The following MRPL1 variants were observed in gnomAD, a reference collection of about 807,000 sequenced individuals.
MRPL1 encodes large ribosomal subunit protein uL1m.
A neutral mutation model predicts 38.0 loss-of-function variants in MRPL1; 28 were observed. That is an observed-to-expected ratio of 0.74 (90% CI 0.55 to 1.01). The LOEUF is 1.01. Ranked by LOEUF, MRPL1 falls within the 50% of genes least tolerant of loss-of-function variation. The probability of loss-of-function intolerance (pLI) is 0.00; values close to 1 mark genes in which losing one functional copy is unlikely to be tolerated. For missense variants in MRPL1, 358 were observed against 389.8 expected, an observed-to-expected ratio of 0.92 and a Z score of 0.69; for synonymous variants, 123 against 126.7, an observed-to-expected ratio of 0.97 and a Z score of 0.20.
chr4:77,923,811 C>T (rs1247102173), intron 7 of MRPL1, among the ~76,000 whole-genome samples: 2 of 152,028 alleles, frequency 1.3e-5, no homozygotes, highest in Non-Finnish European at 2.9e-5. Flanking sequence ...GTGGTATGCA[C>T]TTGTAGTCCC....
At chr4:77,867,328 T>C (rs967119288) in intron 1 of MRPL1, among the ~76,000 whole-genome samples, 3 of 152,210 alleles carry the variant, frequency 2.0e-5, no homozygotes, top group African/African-American at 7.2e-5. Context: ...ATGGCCCCTT[T>C]CATGTGCTGT....
intron 7 of MRPL1, among the ~76,000 whole-genome samples, chr4:77,945,490 T>A (rs568721507): frequency 5.3e-4 from 80 of 149,828 alleles, no homozygotes; most frequent in African/African-American, 1.9e-3. Flanking sequence ...TTAAAAATCA[T>A]GTATGTGTAC....
At chr4:77,907,499 CGT>C (rs1491091660) in intron 6 of MRPL1, among the ~76,000 whole-genome samples, 24 of 88,572 alleles carry the variant, frequency 2.7e-4, no homozygotes, top group African/African-American at 6.7e-4. Context: ...TCCCTCCCTC[CGT>C]CTCTCTCTCT....
intron 2 of MRPL1, 74 bp from the exon 3 acceptor site, chr4:77,883,168 G>A: frequency 2.0e-6 from 2 of 979,526 alleles, no homozygotes; most frequent in Non-Finnish European, 2.9e-6. Context: ...TTTCTCTTAT[G>A]TACACTGGCT....
chr4:77,951,158 C>T (rs937332019), intron 8 of MRPL1, among the ~76,000 whole-genome samples: 4 of 152,210 alleles, frequency 2.6e-5, no homozygotes, highest in African/African-American at 9.6e-5. Flanking sequence ...GTGTGAGCCA[C>T]GGTGTCCGGC....
At chr4:77,878,657 A>G (rs1007467744) in intron 2 of MRPL1, among the ~76,000 whole-genome samples, 2 of 152,110 alleles carry the variant, frequency 1.3e-5, no homozygotes, top group Non-Finnish European at 2.9e-5. Flanking sequence ...AGGCGGGCAG[A>G]TCACAAGGTC....
chr4:77,866,298 C>T (rs974307988), intron 1 of MRPL1, among the ~76,000 whole-genome samples: 5 of 152,186 alleles, frequency 3.3e-5, no homozygotes, highest in Admixed American at 6.5e-5. Flanking sequence ...GTGATCCACC[C>T]GCCTCAGCAT....
At chr4:77,872,337 C>T (rs1466601833) in intron 2 of MRPL1, among the ~76,000 whole-genome samples, 2 of 151,784 alleles carry the variant, frequency 1.3e-5, no homozygotes, top group Admixed American at 6.6e-5. Flanking sequence ...TATATTTTTT[C>T]CTTTTAGGCA....
chr4:77,905,496 C>CAAAAAAAAAAAAAAA (rs374398968), intron 6 of MRPL1, among the ~76,000 whole-genome samples: 1 of 63,394 alleles, frequency 1.6e-5, no homozygotes, highest in Non-Finnish European at 2.8e-5. Flanking sequence ...GACTCCGTCT[C>CAAAAAAAAAAAAAAA]AAAAAAAAAA....
At chr4:77,890,960 C>T (rs1034310755) in intron 5 of MRPL1, among the ~76,000 whole-genome samples, 3 of 152,056 alleles carry the variant, frequency 2.0e-5, no homozygotes, top group African/African-American at 7.2e-5. Context: ...AGGTAAACAG[C>T]AGTGCTCATA....
At chr4:77,917,248 G>A (rs887774745) in intron 7 of MRPL1, among the ~76,000 whole-genome samples, 17 of 151,764 alleles carry the variant, frequency 1.1e-4, no homozygotes, top group Non-Finnish European at 1.9e-4. Flanking sequence ...ACCATAGACC[G>A]TTTCTGACTC....
chr4:77,948,427 T>A (rs902089832), intron 7 of MRPL1, among the ~76,000 whole-genome samples: 9 of 152,170 alleles, frequency 5.9e-5, no homozygotes, highest in Non-Finnish European at 1.3e-4. Context: ...GTCTGTACGG[T>A]GTATGGACTT....
rs1458995053 is a variant in MRPL1, at chr4:77,937,698, G to T, written c.778-12099G>T. Among the ~76,000 whole-genome samples, 3 of 152,070 alleles carry T rather than the reference G, an allele frequency of 2.0e-5. No individual in the cohort carries two copies. In the East Asian group the frequency reaches 5.8e-4, roughly 29 times the overall value. On this transcript the variant is annotated intron_variant, in intron 7 of 8. Coordinates refer to ENST00000315567, the MANE Select transcript of MRPL1 (RefSeq NM_020236.4). Reference sequence around the variant, plus strand: ...TGATTATGGTAGGACCTTTTTGGTGGCCTTAATTGTTGGCATCTTTCTTTA... The same window carrying T: ...TGATTATGGTAGGACCTTTTTGGTGTCCTTAATTGTTGGCATCTTTCTTTA...
intron 7 of MRPL1, among the ~76,000 whole-genome samples, chr4:77,909,637 C>T (rs1475137919): frequency 6.6e-6 from 1 of 152,042 alleles, no homozygotes; most frequent in Non-Finnish European, 1.5e-5. Flanking sequence ...TGTATGTATA[C>T]ACTTTTGTAT....
rs1192740625 is a variant in MRPL1, at chr4:77,899,578, TTC to T, written c.670+5332_670+5333del. On this transcript the variant is annotated intron_variant, in intron 6 of 8. Coordinates refer to ENST00000315567, the MANE Select transcript of MRPL1 (RefSeq NM_020236.4). ...CATATTCAAAGGTCTGTTCTTAGTTTTCTCTGTTTCTTGCAACTTCTTTCAGG... is the reference window on the plus strand; with the variant it reads ...CATATTCAAAGGTCTGTTCTTAGTTTTCTGTTTCTTGCAACTTCTTTCAGG... Among the ~76,000 whole-genome samples, 7 of 152,316 alleles carry T rather than the reference TTC, an allele frequency of 4.6e-5. No homozygotes were observed. The East Asian group carries it at 1.4e-3, about 29-fold the overall frequency.
intron 2 of MRPL1, among the ~76,000 whole-genome samples, chr4:77,872,568 C>G (rs374058314): frequency 6.6e-6 from 1 of 152,068 alleles, no homozygotes; most frequent in South Asian, 2.1e-4. Context: ...CCCGTGTCTA[C>G]TAAAAATACA....
intron 6 of MRPL1, chr4:77,907,110 A>C: frequency 2.0e-6 from 2 of 985,344 alleles, no homozygotes; most frequent in Non-Finnish European, 2.4e-6. Flanking sequence ...GACTTGCTTG[A>C]GCATGGTGGG....
Position 77,862,887 on chromosome 4 carries a change from G to A in MRPL1, c.31+8G>A, listed in dbSNP as rs1490739187. Reference sequence around the variant, plus strand: ...TAAGGTGCATGGGTAGAGGTAAGGCGAGGGGTTGTCTTGCAGGGGAAATGG... The same window carrying A: ...TAAGGTGCATGGGTAGAGGTAAGGCAAGGGGTTGTCTTGCAGGGGAAATGG... On this transcript the variant is annotated splice_region_variant and intron_variant, in intron 1 of 8. Coordinates refer to ENST00000315567, the MANE Select transcript of MRPL1 (RefSeq NM_020236.4). 1.2e-6 allele frequency: 2 copies of A among 1,614,056 alleles called. No individual in the cohort carries two copies. The highest frequency in any genetic ancestry group is 2.7e-5 in the African/African-American group (2 of 74,930).
intron 2 of MRPL1, among the ~76,000 whole-genome samples, chr4:77,880,167 G>A (rs1735504002): frequency 6.6e-6 from 1 of 152,094 alleles, no homozygotes; most frequent in Non-Finnish European, 1.5e-5. Context: ...TTCAGTAGGC[G>A]AGTAGTCTGA....
Sources: allele counts gnomAD v4.1 joint callset (sites outside exome capture counted in the v4.1 genomes callset), GRCh38; gene constraint gnomAD v4.1.1; transcripts MANE v1.5; gene names NCBI Gene and HGNC (gene_info 2026-07-23, HGNC 2026-07-21).